MARCHF10: variants seen among roughly 807,000 people sequenced by gnomAD.
MARCHF10 encodes the protein membrane associated ring-CH-type finger 10.
In MARCHF10, 64 loss-of-function variants were observed where a neutral mutation model predicts 76.2. That is an observed-to-expected ratio of 0.84 (90% confidence interval 0.69 to 1.03). The LOEUF (loss-of-function observed/expected upper bound fraction) is 1.03. Among genes scored for constraint, MARCHF10 ranks in the 50% least tolerant of loss-of-function variants. The pLI is 0.00. For missense variants in MARCHF10, 875 were observed against 958.0 expected (o/e 0.91, Z 1.14); for synonymous variants, 340 against 357.5 (o/e 0.95, Z 0.55).
chr17:62,787,778 G>A (rs1239824077), intron 3 of MARCHF10, among the ~76,000 whole-genome samples: 3 of 149,676 alleles, frequency 2.0e-5, no homozygotes, highest in Non-Finnish European at 4.5e-5. Flanking sequence ...AGATAGATAA[G>A]GATAGGTGAT....
chr17:62,737,374 C>A, intron 5 of MARCHF10, 42 bp from the exon 6 acceptor site: 1 of 1,575,830 alleles, frequency 6.3e-7, no homozygotes, highest in Non-Finnish European at 8.6e-7. Flanking sequence ...AGTAAAAGGG[C>A]CCATGGATGA....
At chr17:62,759,401 T>C (rs2092133723) in intron 4 of MARCHF10, among the ~76,000 whole-genome samples, 1 of 152,250 alleles carries the variant, frequency 6.6e-6, no homozygotes, top group Non-Finnish European at 1.5e-5. Flanking sequence ...TTGCATAGGA[T>C]CACTGGCCTT....
chr17:62,721,065 C>T (rs1372665666), intron 8 of MARCHF10, among the ~76,000 whole-genome samples: 2 of 151,886 alleles, frequency 1.3e-5, no homozygotes, highest in East Asian at 1.9e-4. Context: ...ATGGGGGTTT[C>T]GCTGTGTTGG....
At chr17:62,718,903 T>C (rs1372001539) in intron 8 of MARCHF10, among the ~76,000 whole-genome samples, 1 of 152,172 alleles carries the variant, frequency 6.6e-6, no homozygotes, top group Non-Finnish European at 1.5e-5. Context: ...AACCTCCTGA[T>C]GCCTAACCTC....
At chr17:62,795,519 A>G (rs1347806487) in intron 2 of MARCHF10, among the ~76,000 whole-genome samples, 1 of 152,188 alleles carries the variant, frequency 6.6e-6, no homozygotes, top group African/African-American at 2.4e-5. Flanking sequence ...TGTTTTCTCA[A>G]AAGGGTCCCA....
At chr17:62,748,731 C>T (rs1481478809) in intron 4 of MARCHF10, among the ~76,000 whole-genome samples, 4 of 152,160 alleles carry the variant, frequency 2.6e-5, no homozygotes, top group African/African-American at 9.7e-5. Flanking sequence ...GGCAAGAGCA[C>T]GACATTGTCT....
chr17:62,804,756 A>G (rs2148230661), intron 1 of MARCHF10: 1 of 152,212 alleles, frequency 6.6e-6, no homozygotes, highest in East Asian at 1.9e-4. Context: ...CAAAGCCCCC[A>G]CACTATTCCT....
chr17:62,732,592 C>A (rs1294773775), intron 6 of MARCHF10, among the ~76,000 whole-genome samples: 1 of 152,122 alleles, frequency 6.6e-6, no homozygotes, highest in South Asian at 2.1e-4. Flanking sequence ...CACATTAAAT[C>A]CTAAATATAA....
chr17:62,800,384 A>G (rs1254862331), intron 2 of MARCHF10, among the ~76,000 whole-genome samples: 2 of 151,864 alleles, frequency 1.3e-5, no homozygotes, highest in Non-Finnish European at 2.9e-5. Context: ...AAGCAGTTAG[A>G]CTCCCAGGGC....
At chr17:62,795,382 A>AAAAAAAAAAAAAAAG (rs1555719591) in intron 2 of MARCHF10, among the ~76,000 whole-genome samples, 1 of 111,990 alleles carries the variant, frequency 8.9e-6, no homozygotes, top group African/African-American at 3.7e-5. Context: ...AAAAAAAAAA[A>AAAAAAAAAAAAAAAG]AAGAAGCTAG....
At chr17:62,771,918 T>C (rs550142943) in intron 3 of MARCHF10, among the ~76,000 whole-genome samples, 8 of 152,256 alleles carry the variant, frequency 5.3e-5, no homozygotes, top group African/African-American at 1.7e-4. Flanking sequence ...GAAAATGGGA[T>C]CTGGGAGCAG....
At chr17:62,799,161 C>T (rs1490665221) in intron 2 of MARCHF10, among the ~76,000 whole-genome samples, 2 of 152,034 alleles carry the variant, frequency 1.3e-5, no homozygotes, top group African/African-American at 4.8e-5. Context: ...GTGAGTCATC[C>T]TTCATTCTTT....
At position 62,701,454 on chromosome 17, in the gene MARCHF10, G is replaced by A. The variant is rs1299630611; in HGVS notation, c.*249C>T. On this transcript the variant is annotated 3_prime_UTR_variant, in exon 11 of 11. Coordinates refer to ENST00000311269, the MANE Select transcript of MARCHF10 (RefSeq NM_152598.4). ...CTTCTGGGCTAAGGGGGCAGCACCA[G>A]GCCAGCCTGCCAGGGGCTCCACAGT... 2.3e-6 allele frequency: 2 copies of A among 865,872 alleles called. No homozygotes were observed. Among genetic ancestry groups the A allele is most frequent in the Admixed American group, 6.1e-5 (2 of 32,770 alleles). 53.6% of individuals were successfully genotyped at this position (865,872 alleles called of 1,614,324 possible). A position where few individuals can be genotyped will look rare whatever the true frequency, so the allele number is the denominator to read the frequency against.
At chr17:62,713,224 C>T (rs2090019388) in intron 8 of MARCHF10, among the ~76,000 whole-genome samples, 1 of 152,164 alleles carries the variant, frequency 6.6e-6, no homozygotes, top group Admixed American at 6.5e-5. Context: ...GCAAAAGCTG[C>T]CAGTGGTTCT....
At chr17:62,758,884 G>T (rs923978599) in intron 4 of MARCHF10, among the ~76,000 whole-genome samples, 2 of 152,210 alleles carry the variant, frequency 1.3e-5, no homozygotes, top group African/African-American at 2.4e-5. Context: ...TTAAACCTCA[G>T]TTCCTGGAGG....
intron 7 of MARCHF10, 65 bp from the exon 8 acceptor site, chr17:62,722,662 C>T: frequency 2.9e-6 from 4 of 1,375,680 alleles, no homozygotes; most frequent in Non-Finnish European, 3.0e-6. Flanking sequence ...GCACTTTGGA[C>T]AGGTGATATT....
chr17:62,727,213 A>G (rs1206164944), intron 6 of MARCHF10, among the ~76,000 whole-genome samples: 5 of 152,222 alleles, frequency 3.3e-5, no homozygotes, highest in Admixed American at 6.5e-5. Flanking sequence ...CTCTTAACTT[A>G]AGGTCCTCCA....
At chr17:62,754,183 G>A (rs564100133) in intron 4 of MARCHF10, among the ~76,000 whole-genome samples, 81 of 152,046 alleles carry the variant, frequency 5.3e-4, no homozygotes, top group African/African-American at 1.8e-3. Context: ...AGCGATTCTC[G>A]TACCTCAGCT....
chr17:62,764,323 G>A (rs1229880081), intron 3 of MARCHF10, among the ~76,000 whole-genome samples: 3 of 152,138 alleles, frequency 2.0e-5, no homozygotes, highest in Non-Finnish European at 4.4e-5. Flanking sequence ...GTCCCTCCCC[G>A]AGAGGTGCTA....
Sources: allele counts gnomAD v4.1 joint callset (sites outside exome capture counted in the v4.1 genomes callset), GRCh38; gene constraint gnomAD v4.1.1; transcripts MANE v1.5; gene names NCBI Gene and HGNC (gene_info 2026-07-23, HGNC 2026-07-21).